Variants in C4orf36 observed in about 807,000 individuals in gnomAD.
C4orf36 encodes the protein chromosome 4 open reading frame 36, also known as uncharacterized protein C4orf36.
Under a neutral mutation model 12.2 loss-of-function variants are expected in C4orf36, and 11 were observed. The observed-to-expected ratio is 0.90, with a 90% CI of 0.57 to 1.49. The LOEUF (loss-of-function observed/expected upper bound fraction) is 1.49. Among genes scored for constraint, C4orf36 ranks in the 40% most tolerant of loss-of-function variants. The pLI, the probability that C4orf36 is intolerant of heterozygous loss-of-function variation, is 0.00. For synonymous variants in C4orf36, 54 were observed against 51.3 expected (o/e 1.05, Z -0.22); for missense variants, 137 against 133.9 (o/e 1.02, Z -0.11).
the C4orf36 span, among the ~76,000 whole-genome samples, chr4:86,906,594 G>T: frequency 6.6e-6 from 1 of 150,790 alleles, no homozygotes; most frequent in Non-Finnish European, 1.5e-5. Context: ...TGGGTGTGGT[G>T]GTGCATGTCT....
chr4:86,935,119 C>T, the C4orf36 span: 1 of 152,266 alleles, frequency 6.6e-6, no homozygotes, highest in Middle Eastern at 3.2e-3. Context: ...CAGCCGAGCC[C>T]CGGGAGGAGG....
intron 2 of C4orf36, among the ~76,000 whole-genome samples, chr4:86,890,999 T>C (rs1747386216): frequency 6.7e-6 from 1 of 149,924 alleles, no homozygotes; most frequent in Non-Finnish European, 1.5e-5. Context: ...CCTGCCAAAG[T>C]ATACAGGATA....
At chr4:86,931,001 T>G in the C4orf36 span, among the ~76,000 whole-genome samples, 4 of 152,200 alleles carry the variant, frequency 2.6e-5, no homozygotes, top group Non-Finnish European at 5.9e-5. Context: ...TTGCATAACC[T>G]TAGGGATTAT....
intron 4 of C4orf36, among the ~76,000 whole-genome samples, chr4:86,886,036 C>A (rs1207670432): frequency 1.3e-5 from 2 of 152,110 alleles, no homozygotes; most frequent in African/African-American, 2.4e-5. Context: ...GCCTTGCATC[C>A]CAGGGATGAA....
chr4:86,934,195 T>A, the C4orf36 span, among the ~76,000 whole-genome samples: 11 of 152,220 alleles, frequency 7.2e-5, no homozygotes, highest in African/African-American at 2.7e-4. Context: ...CGGCGAAATC[T>A]CATCTGGGCC....
At position 86,888,254 on chromosome 4, in the gene C4orf36, T is replaced by G. The variant is rs1747262277; in HGVS notation, c.87A>C (p.Ala29=). The G allele has an allele frequency of 6.2e-7, 1 of 1,613,892 alleles. No homozygotes were observed. Among genetic ancestry groups the G allele is most frequent in the Non-Finnish European group, 8.5e-7 (1 of 1,179,924 alleles). The stretch of plus-strand genomic sequence containing the variant: ...TTGTGGACCAGGTCTTTGCAAGCAA[T>G]GCAATATCCCAAGGTTCCTGTCTGG... ...CYNVQEPWDI[A]LLAKTWSTNL... Residue 29 remains alanine (A), a synonymous_variant, in exon 3 of 5, where the codon GCA becomes GCC. Coordinates refer to ENST00000295898, the MANE Select transcript of C4orf36 (RefSeq NM_144645.4).
At chr4:86,921,884 T>G in the C4orf36 span, among the ~76,000 whole-genome samples, 3 of 152,222 alleles carry the variant, frequency 2.0e-5, no homozygotes, top group African/African-American at 7.2e-5. Context: ...CTACTTTCTG[T>G]CTGTATGAAT....
the C4orf36 span, among the ~76,000 whole-genome samples, chr4:86,902,695 C>T: frequency 6.6e-6 from 1 of 152,198 alleles, no homozygotes; most frequent in East Asian, 1.9e-4. Context: ...TCCGTCAAGG[C>T]TTTGCCAAGT....
chr4:86,887,116 G>A (rs889472479), intron 4 of C4orf36: 2 of 151,968 alleles, frequency 1.3e-5, no homozygotes, highest in Admixed American at 1.3e-4. Flanking sequence ...CCTGTTGTGG[G>A]GTGGGGGTAT....
intron 1 of C4orf36, chr4:86,891,951 G>C (rs972107652): frequency 1.0e-5 from 10 of 988,694 alleles, no homozygotes; most frequent in Admixed American, 5.6e-5. Flanking sequence ...CACCCGCCCC[G>C]GCCCGGGCAC....
chr4:86,883,756 G>A (rs1042851869), intron 4 of C4orf36, among the ~76,000 whole-genome samples: 5 of 152,074 alleles, frequency 3.3e-5, no homozygotes, highest in African/African-American at 4.8e-5. Context: ...AGCCAGGCGC[G>A]GTGGCTCACA....
chr4:86,878,746 G>T (rs1560469599), intron 4 of C4orf36, among the ~76,000 whole-genome samples: 1 of 152,158 alleles, frequency 6.6e-6, no homozygotes, highest in Non-Finnish European at 1.5e-5. Flanking sequence ...ACCTGACTTG[G>T]AACAGTGACC....
chr4:86,891,293 CAA>C (rs34250498), intron 2 of C4orf36, among the ~76,000 whole-genome samples, 161 bp downstream of exon 2: 41,945 of 118,720 alleles, frequency 0.35, 6,592 homozygotes, highest in Non-Finnish European at 0.37. Context: ...AAGCAGTTGC[CAA>C]AAAAAAAAAA....
At chr4:86,930,227 C>A in the C4orf36 span, among the ~76,000 whole-genome samples, 1 of 152,232 alleles carries the variant, frequency 6.6e-6, no homozygotes. Flanking sequence ...TTTTCCTCTT[C>A]TTATTTAGTC....
the C4orf36 span, among the ~76,000 whole-genome samples, chr4:86,927,799 CA>C: frequency 0.91 from 132,038 of 145,318 alleles, 60,677 homozygotes; most frequent in Non-Finnish European, 0.99. Flanking sequence ...GGCTCCATTT[CA>C]AAAAAAAAAA....
chr4:86,907,677 A>G, the C4orf36 span, among the ~76,000 whole-genome samples: 1 of 152,172 alleles, frequency 6.6e-6, no homozygotes, highest in Admixed American at 6.6e-5. Flanking sequence ...GGTAATAACC[A>G]AGAATGGTAT....
chr4:86,906,574 A>T, the C4orf36 span, among the ~76,000 whole-genome samples: 1 of 151,398 alleles, frequency 6.6e-6, no homozygotes, highest in Non-Finnish European at 1.5e-5. Context: ...CCAAAAACAC[A>T]AAAATTAGCT....
chr4:86,876,658 A>T, intron 4 of C4orf36: 1 of 1,612,986 alleles, frequency 6.2e-7, no homozygotes, highest in Non-Finnish European at 8.5e-7. Context: ...TGGTATTTAC[A>T]TACACAGTGT....
the C4orf36 span, among the ~76,000 whole-genome samples, chr4:86,924,453 G>A: frequency 3.9e-5 from 6 of 152,024 alleles, no homozygotes; most frequent in East Asian, 1.9e-4. Flanking sequence ...CACCCCCCTC[G>A]GCCTCTCAAA....
Sources: gnomAD v4.1 joint callset for allele counts (sites outside exome capture counted in the v4.1 genomes callset) on GRCh38, gnomAD v4.1.1 for gene constraint, MANE v1.5 for transcripts, NCBI Gene and HGNC (gene_info 2026-07-23, HGNC 2026-07-21) for gene names.